LRRC7: variants seen among roughly 807,000 people sequenced by gnomAD.
LRRC7 encodes leucine rich repeat containing 7.
Under a neutral mutation model 175.7 loss-of-function variants are expected in LRRC7, and 23 were observed. The ratio of observed to expected loss-of-function variants is 0.13; its 90% CI spans 0.09 to 0.19. The LOEUF is 0.19. Ranked by LOEUF, LRRC7 falls within the 10% of genes least tolerant of loss-of-function variation. The pLI is 1.00. For synonymous variants in LRRC7, 685 were observed against 680.9 expected, an observed-to-expected ratio of 1.01 and a Z score of -0.09; for missense variants, 1,354 against 1,904.7, an observed-to-expected ratio of 0.71 and a Z score of 5.38.
chr1:69,598,000 T>C (rs902205222), intron 1 of LRRC7, among the ~76,000 whole-genome samples: 1 of 152,196 alleles, frequency 6.6e-6, no homozygotes, highest in African/African-American at 2.4e-5. Flanking sequence ...ACTCCTTTCA[T>C]CTACCAAACA....
chr1:69,868,810 TG>T (rs776550088), intron 7 of LRRC7, among the ~76,000 whole-genome samples: 2 of 152,076 alleles, frequency 1.3e-5, no homozygotes, highest in Non-Finnish European at 2.9e-5. Context: ...TGGTTTCTTC[TG>T]AAGGCGCTCT....
intron 1 of LRRC7, among the ~76,000 whole-genome samples, chr1:69,574,584 T>C (rs1444984016): frequency 6.6e-6 from 1 of 152,140 alleles, no homozygotes; most frequent in East Asian, 1.9e-4. Context: ...AGCTAAAATA[T>C]GCCAGCTGAA....
chr1:69,868,917 A>G (rs185650696), intron 7 of LRRC7, among the ~76,000 whole-genome samples: 25 of 106,386 alleles, frequency 2.3e-4, no homozygotes, highest in African/African-American at 7.4e-4. Flanking sequence ...ATATGTACAT[A>G]TGTACATATA....
At chr1:70,077,243 T>C (rs10493470) in intron 24 of LRRC7, among the ~76,000 whole-genome samples, 23,391 of 152,130 alleles carry the variant, frequency 0.15, 2,874 homozygotes, top group African/African-American at 0.33. Context: ...TCCTCTATTT[T>C]GTAATATCCT....
intron 9 of LRRC7, among the ~76,000 whole-genome samples, chr1:69,985,385 A>G (rs1356705155): frequency 1.3e-5 from 2 of 152,226 alleles, no homozygotes; most frequent in African/African-American, 4.8e-5. Context: ...TTGAAATTTT[A>G]AGGATCTACA....
intron 2 of LRRC7, among the ~76,000 whole-genome samples, chr1:69,712,964 T>G (rs1273970191): frequency 6.6e-6 from 1 of 152,122 alleles, no homozygotes; most frequent in African/African-American, 2.4e-5. Flanking sequence ...TAGCCACATA[T>G]TCCCTCCAGT....
At chr1:69,603,748 G>T (rs2101003842) in intron 1 of LRRC7, among the ~76,000 whole-genome samples, 1 of 152,028 alleles carries the variant, frequency 6.6e-6, no homozygotes, top group Non-Finnish European at 1.5e-5. Flanking sequence ...GTATTCTTTT[G>T]TAATAACTCT....
At chr1:70,022,151 G>C (rs982111531) in intron 16 of LRRC7, 1 of 152,034 alleles carries the variant, frequency 6.6e-6, no homozygotes, top group Non-Finnish European at 1.5e-5. Flanking sequence ...AAAGATTTGG[G>C]TTTTAAAAAA....
intron 5 of LRRC7, among the ~76,000 whole-genome samples, chr1:69,829,897 T>C (rs1263085522): frequency 6.6e-6 from 1 of 151,764 alleles, no homozygotes; most frequent in East Asian, 1.9e-4. Context: ...TGGAAGTAAT[T>C]ATATTGACAA....
chr1:70,118,710 C>A (rs564750680), intron 26 of LRRC7, among the ~76,000 whole-genome samples: 3 of 152,232 alleles, frequency 2.0e-5, no homozygotes, highest in Admixed American at 2.0e-4. Context: ...TGTTTGGTCT[C>A]CTTAAAATGA....
chr1:69,965,603 GTAAT>G (rs912432583), intron 8 of LRRC7, among the ~76,000 whole-genome samples: 1 of 151,704 alleles, frequency 6.6e-6, no homozygotes, highest in African/African-American at 2.4e-5. Flanking sequence ...CCAAATTTGA[GTAAT>G]TAAATTTTTT....
intron 7 of LRRC7, among the ~76,000 whole-genome samples, chr1:69,860,325 A>G (rs991875312): frequency 1.1e-4 from 17 of 151,936 alleles, no homozygotes; most frequent in Non-Finnish European, 2.4e-4. Context: ...CTTTAAACTC[A>G]CAAAGTATAA....
intron 8 of LRRC7, among the ~76,000 whole-genome samples, chr1:69,944,344 T>C (rs1649074957): frequency 6.6e-6 from 1 of 152,124 alleles, no homozygotes; most frequent in Non-Finnish European, 1.5e-5. Flanking sequence ...ATTACATATA[T>C]ATGCTACTCA....
chr1:70,115,363 G>A (rs1037813033), intron 26 of LRRC7, among the ~76,000 whole-genome samples: 4 of 152,064 alleles, frequency 2.6e-5, no homozygotes, highest in Admixed American at 6.6e-5. Context: ...TTTTGTTATC[G>A]TTTTGTATAT....
chr1:69,937,486 A>G (rs908046673), intron 8 of LRRC7, among the ~76,000 whole-genome samples: 1 of 152,086 alleles, frequency 6.6e-6, no homozygotes, highest in Admixed American at 6.6e-5. Context: ...CATTTCTGAA[A>G]TACATACATG....
chr1:69,894,404 G>A (rs1014823250), intron 7 of LRRC7, among the ~76,000 whole-genome samples: 1 of 152,162 alleles, frequency 6.6e-6, no homozygotes, highest in Admixed American at 6.6e-5. Flanking sequence ...TTCAAGATAT[G>A]AGAATATGTG....
At chr1:69,588,069 A>G (rs557623722) in intron 1 of LRRC7, among the ~76,000 whole-genome samples, 2 of 152,192 alleles carry the variant, frequency 1.3e-5, no homozygotes, top group East Asian at 1.9e-4. Context: ...CCTTCTATTC[A>G]TTCCTTAGGT....
Position 70,038,276 on chromosome 1 carries a change from G to A in LRRC7, c.2452G>A (p.Val818Ile), listed in dbSNP as rs748486631. The A allele has an allele frequency of 1.2e-5, 20 of 1,614,166 alleles. No homozygotes were observed. The South Asian group carries it at 2.1e-4, about 17-fold the overall frequency. The change falls in exon 21 of 27, where the codon GTT becomes ATT. Residue 818 changes from valine (V) to isoleucine (I), a missense_variant. Physicochemically the swap from Val to Ile is conservative, Grantham distance 29. This residue lies in a region of LRRC7 where 1,032 missense variants were observed against 1,227.2 expected (regional missense o/e 0.84). Coordinates refer to ENST00000651989, the MANE Select transcript of LRRC7 (RefSeq NM_001370785.2). The stretch of plus-strand genomic sequence containing the variant: ...CTCGCATTATGACAACACAGGGTTT[G>A]TTGCTGAGGAAACCACAGCCGAGAA... ...DGSHYDNTGF[V>I]AEETTAENAN...
At chr1:69,580,969 G>A (rs952509552) in intron 1 of LRRC7, among the ~76,000 whole-genome samples, 2 of 152,106 alleles carry the variant, frequency 1.3e-5, no homozygotes, top group Admixed American at 1.3e-4. Context: ...AAGAAGATAG[G>A]AGTAATGGCA....
Sources: gnomAD v4.1 joint callset for allele counts (sites outside exome capture counted in the v4.1 genomes callset) on GRCh38, gnomAD v4.1.1 for gene constraint, gnomAD v4.1.1 regional missense constraint, MANE v1.5 for transcripts, NCBI Gene and HGNC (gene_info 2026-07-23, HGNC 2026-07-21) for gene names.